Variants in NALCN observed in about 807,000 individuals in gnomAD.
The protein encoded by NALCN is sodium leak channel, non-selective.
Under a neutral mutation model 225.3 loss-of-function variants are expected in NALCN, and 111 were observed. The observed-to-expected ratio is 0.49, with a 90% CI of 0.42 to 0.58. The LOEUF (loss-of-function observed/expected upper bound fraction) is 0.58, where lower values mean the gene tolerates loss of function less well. Among genes scored for constraint, NALCN ranks in the 20% least tolerant of loss-of-function variants. NALCN has a pLI of 0.00. For missense variants in NALCN, 1,378 were observed against 2,202.4 expected (o/e 0.63, Z 7.49); for synonymous variants, 764 against 769.0 (o/e 0.99, Z 0.11).
At chr13:101,216,663 C>T (rs985837540) in intron 13 of NALCN, among the ~76,000 whole-genome samples, 2 of 152,122 alleles carry the variant, frequency 1.3e-5, no homozygotes, top group Non-Finnish European at 2.9e-5. Context: ...GTCACACACT[C>T]TCACTACATC....
At chr13:101,340,832 T>C (rs1356310420) in intron 7 of NALCN, among the ~76,000 whole-genome samples, 3 of 150,280 alleles carry the variant, frequency 2.0e-5, no homozygotes, top group Middle Eastern at 7.0e-3. Flanking sequence ...TTGAGAACTA[T>C]TATCAAGATT....
chr13:101,379,980 C>T (rs774827774), intron 3 of NALCN, among the ~76,000 whole-genome samples: 17 of 152,002 alleles, frequency 1.1e-4, no homozygotes, highest in Non-Finnish European at 1.8e-4. Flanking sequence ...GATTTCAACA[C>T]CTTGACAGTA....
chr13:101,084,483 C>T (rs991955570), intron 30 of NALCN, among the ~76,000 whole-genome samples: 1 of 152,154 alleles, frequency 6.6e-6, no homozygotes, highest in African/African-American at 2.4e-5. Context: ...CTAACCACTA[C>T]CCTTCAGGCG....
intron 13 of NALCN, among the ~76,000 whole-genome samples, chr13:101,202,912 G>C (rs1364529763): frequency 2.7e-5 from 4 of 150,764 alleles, no homozygotes; most frequent in Non-Finnish European, 5.9e-5. Flanking sequence ...TAAGCCAGCA[G>C]ATCAGTGAGG....
chr13:101,070,378 A>G (rs1805921428), intron 37 of NALCN, among the ~76,000 whole-genome samples: 1 of 152,184 alleles, frequency 6.6e-6, no homozygotes, highest in Non-Finnish European at 1.5e-5. Flanking sequence ...GAATGTTCTT[A>G]ATGGCATGTA....
At chr13:101,222,680 C>A (rs1027139195) in intron 13 of NALCN, among the ~76,000 whole-genome samples, 1 of 152,138 alleles carries the variant, frequency 6.6e-6, no homozygotes, top group Non-Finnish European at 1.5e-5. Context: ...ATTAGTTGCC[C>A]TAATAAGAGC....
chr13:101,365,820 C>T (rs1006580732), intron 6 of NALCN, among the ~76,000 whole-genome samples: 6 of 152,052 alleles, frequency 3.9e-5, no homozygotes, highest in African/African-American at 1.4e-4. Flanking sequence ...GTCCAGCCAT[C>T]GCGAATATGT....
At chr13:101,322,751 C>T (rs981021561) in intron 7 of NALCN, among the ~76,000 whole-genome samples, 8 of 152,002 alleles carry the variant, frequency 5.3e-5, no homozygotes, top group Admixed American at 1.3e-4. Context: ...CTCACTCTGT[C>T]GCCCAGGTTG....
intron 12 of NALCN, among the ~76,000 whole-genome samples, chr13:101,236,470 T>C (rs1473496848): frequency 2.6e-5 from 4 of 152,094 alleles, no homozygotes; most frequent in Non-Finnish European, 4.4e-5. Context: ...ACACGTATGT[T>C]TATTGCGGCA....
At chr13:101,397,109 T>TATATATACAC (rs1169730118) in intron 2 of NALCN, among the ~76,000 whole-genome samples, 25 of 80,958 alleles carry the variant, frequency 3.1e-4, no homozygotes, top group African/African-American at 9.8e-4. Flanking sequence ...TATATATATA[T>TATATATACAC]ACATACACAT....
chr13:101,257,950 T>C (rs2042293896), intron 11 of NALCN, among the ~76,000 whole-genome samples: 2 of 152,234 alleles, frequency 1.3e-5, no homozygotes, highest in African/African-American at 4.8e-5. Flanking sequence ...TATTTAATCA[T>C]GAAACCTACC....
At chr13:101,164,003 G>A (rs1328491220) in intron 15 of NALCN, among the ~76,000 whole-genome samples, 1 of 152,012 alleles carries the variant, frequency 6.6e-6, no homozygotes, top group African/African-American at 2.4e-5. Context: ...CTCTCTCTGT[G>A]TGTCTGTGTC....
At chr13:101,371,344 G>T (rs1443816320) in intron 6 of NALCN, among the ~76,000 whole-genome samples, 4 of 151,760 alleles carry the variant, frequency 2.6e-5, no homozygotes, top group Non-Finnish European at 5.9e-5. Context: ...TTAGAGACTG[G>T]GTCTCACTCT....
At chr13:101,149,913 G>A (rs1043508025) in intron 15 of NALCN, among the ~76,000 whole-genome samples, 4 of 152,186 alleles carry the variant, frequency 2.6e-5, no homozygotes, top group East Asian at 3.8e-4. Context: ...TCCTAGGTGC[G>A]TGCCTGCAAG....
At chr13:101,284,259 G>A (rs1160357723) in intron 9 of NALCN, among the ~76,000 whole-genome samples, 1 of 152,118 alleles carries the variant, frequency 6.6e-6, no homozygotes, top group South Asian at 2.1e-4. Context: ...TTTCTGTCTT[G>A]CATATGCTTT....
intron 36 of NALCN, among the ~76,000 whole-genome samples, chr13:101,073,958 G>A (rs1359166922): frequency 6.6e-6 from 1 of 152,030 alleles, no homozygotes; most frequent in African/African-American, 2.4e-5. Flanking sequence ...TCTTTCACTT[G>A]GACGATGCTA....
chr13:101,125,220 A>C (rs922654242), intron 17 of NALCN, among the ~76,000 whole-genome samples: 1 of 152,064 alleles, frequency 6.6e-6, no homozygotes, highest in Non-Finnish European at 1.5e-5. Flanking sequence ...AAATTCAAAG[A>C]TATACTCCCC....
chr13:101,103,073 T>C, intron 26 of NALCN, 99 bp downstream of exon 26: 1 of 1,423,524 alleles, frequency 7.0e-7, no homozygotes, highest in Non-Finnish European at 9.5e-7. Flanking sequence ...TAACCAAAAC[T>C]ATTGAATTGA....
rs141989946 is a variant in NALCN at position 101,217,827 on chromosome 13, T to C, written c.1626+11566A>G. Among the ~76,000 whole-genome samples, 719 of 152,262 alleles carry C rather than the reference T, an allele frequency of 4.7e-3. 1 individual carries two copies. The highest frequency in any genetic ancestry group is 6.7e-3 in the Non-Finnish European group (454 of 68,016). ...AGCTACTTTGCAGGTACCTACCTAT[T>C]TGGGCATCTTGGGAAGGATCTGGGG... On this transcript the variant is annotated intron_variant, in intron 13 of 43. Transcript: ENST00000251127.
Sources: allele counts gnomAD v4.1 joint callset (sites outside exome capture counted in the v4.1 genomes callset), GRCh38; gene constraint gnomAD v4.1.1; transcripts MANE v1.5; gene names NCBI Gene and HGNC (gene_info 2026-07-23, HGNC 2026-07-21).